FRS3: variants seen among roughly 807,000 people sequenced by gnomAD.
The protein encoded by FRS3 is fibroblast growth factor receptor substrate 3.
A neutral mutation model predicts 41.9 loss-of-function variants in FRS3; 17 were observed. That is an observed-to-expected ratio of 0.41 (90% CI 0.28 to 0.61). The LOEUF (loss-of-function observed/expected upper bound fraction) is 0.61, where lower values mean the gene tolerates loss of function less well. FRS3 is among the 20% of genes least tolerant of loss of function. The pLI, the probability that FRS3 is intolerant of heterozygous loss-of-function variation, is 0.36. For synonymous variants in FRS3, 287 were observed against 274.5 expected, an observed-to-expected ratio of 1.05 and a Z score of -0.45; for missense variants, 619 against 672.1, an observed-to-expected ratio of 0.92 and a Z score of 0.87.
At chr6:41,776,735 CA>C in intron 3 of FRS3, 186 bp downstream of exon 3, 1 of 577,532 alleles carries the variant, frequency 1.7e-6, no homozygotes, top group Non-Finnish European at 3.1e-6. Flanking sequence ...GCCATGAAAA[CA>C]GCAGTGGTCT....
In FRS3 at chr6:41,778,795, T is replaced by C. The variant is rs774839077; in HGVS notation, c.-167-619A>G. ...TTCAATTTCGCATTTGGAAGCTTGA[T>C]AGATTTTCTGCTCCCCAAGCTCTGA... On this transcript the variant is annotated intron_variant, in intron 1 of 6. Coordinates refer to ENST00000373018, the MANE Select transcript of FRS3 (RefSeq NM_006653.5). Among the ~76,000 whole-genome samples the C allele has an allele frequency of 2.6e-5, 4 of 152,332 alleles. No homozygotes were observed. In the East Asian group the frequency reaches 7.7e-4, roughly 29 times the overall value.
chr6:41,773,972 C>T (rs1372508019), intron 4 of FRS3, among the ~76,000 whole-genome samples: 2 of 151,930 alleles, frequency 1.3e-5, no homozygotes, highest in South Asian at 2.1e-4. Context: ...TTTTCGGAGA[C>T]GGAGTCTCAC....
At chr6:41,777,140 C>A (rs1279625330) in intron 2 of FRS3, 130 bp from the exon 3 acceptor site, 4 of 640,984 alleles carry the variant, frequency 6.2e-6, no homozygotes, top group Non-Finnish European at 1.1e-5. Context: ...TACAGACCCC[C>A]CCTCAAAGAC....
At chr6:41,779,138 G>A (rs546430634) in intron 1 of FRS3, among the ~76,000 whole-genome samples, 2 of 152,124 alleles carry the variant, frequency 1.3e-5, no homozygotes, top group South Asian at 4.1e-4. Context: ...GCACTGAAAC[G>A]AAGAACTCTA....
chr6:41,771,314 T>C lies in FRS3; in HGVS notation c.784A>G (p.Ser262Gly), dbSNP rs1344978084. Residue 262 changes from serine to glycine, a missense_variant, in exon 7 of 7, where the codon AGC becomes GGC. Ser to Gly is a moderately conservative substitution (Grantham distance 56, BLOSUM62 0). This residue lies in a region of FRS3 where 487 missense variants were observed against 478.3 expected (regional missense o/e 1.02). Coordinates refer to ENST00000373018, the MANE Select transcript of FRS3 (RefSeq NM_006653.5). ...TTGTGGTGTGGGGGGTCATGCAGGC[T>C]GGGACAGAGGCCCTGGCACTTCACC... The part of the protein sequence containing the change: ...HMVKCQGLCP[S>G]LHDPPHHNNN... 1.9e-6 allele frequency: 3 copies of C among 1,613,514 alleles called. No homozygotes were observed. Among genetic ancestry groups the C allele is most frequent in the African/African-American group, 1.3e-5 (1 of 74,904 alleles).
intron 1 of FRS3, among the ~76,000 whole-genome samples, chr6:41,779,178 C>G (rs897980101): frequency 6.6e-6 from 1 of 152,052 alleles, no homozygotes; most frequent in African/African-American, 2.4e-5. Flanking sequence ...GGCTGAATTT[C>G]CCTATCACCA....
intron 4 of FRS3, among the ~76,000 whole-genome samples, chr6:41,775,148 A>C (rs1271570446): frequency 2.0e-5 from 3 of 152,188 alleles, no homozygotes; most frequent in Non-Finnish European, 4.4e-5. Context: ...ACACAATCCC[A>C]TGCAGGATTC....
intron 2 of FRS3, 63 bp from the exon 3 acceptor site, chr6:41,777,073 G>T: frequency 8.4e-7 from 1 of 1,188,678 alleles, no homozygotes. Context: ...CTGCTCTGGG[G>T]AACTTGGGCA....
In FRS3 at chr6:41,771,057, C is replaced by T. The variant is rs780375884; in HGVS notation, c.1041G>A (p.Gly347=). ...QQLGGEAGDD[G]DSRDGLTPSS... is the part of the protein sequence containing the mutation. ...AGGGTGTGAGCCCATCCCTCGAGTC[C>T]CCATCATCCCCAGCCTCCCCTCCCA... Residue 347 remains glycine, a synonymous_variant, in exon 7 of 7, where the codon GGG becomes GGA. Coordinates refer to ENST00000373018, the MANE Select transcript of FRS3 (RefSeq NM_006653.5). The T allele has an allele frequency of 4.4e-6, 7 of 1,606,254 alleles. No individual in the cohort carries two copies. Among genetic ancestry groups the T allele is most frequent in the South Asian group, 2.2e-5 (2 of 90,682 alleles).
At position 41,776,941 on chromosome 6, in the gene FRS3, T is replaced by C; in HGVS notation, c.47A>G (p.Asn16Ser). The C allele has an allele frequency of 6.2e-7, 1 of 1,614,098 alleles. No individual in the cohort carries two copies. The highest frequency in any genetic ancestry group is 1.1e-5 in the South Asian group (1 of 91,074). Residue 16 changes from asparagine (N) to serine (S), a missense_variant, in exon 3 of 7, where the codon AAC (asparagine) becomes AGC (serine). Asn to Ser is a conservative substitution (Grantham distance 46). Transcript: ENST00000373018. ...GGGTACCTTGAACTTGGTGGGGTGG[T>C]TGTCTGGAACGCTGTCTCTGTTCAG... ...SCLNRDSVPDNHPTKFKVTNV... is the reference protein window; with the variant it reads ...SCLNRDSVPDSHPTKFKVTNV...
chr6:41,772,746 G>A (rs1772326481), intron 5 of FRS3, 52 bp downstream of exon 5: 22 of 583,082 alleles, frequency 3.8e-5, no homozygotes, highest in Non-Finnish European at 5.1e-5. Context: ...CTTCCTGGGC[G>A]TGTGTGTGTG....
intron 5 of FRS3, 100 bp from the exon 6 acceptor site, chr6:41,772,064 A>AGTC: frequency 1.0e-6 from 1 of 978,736 alleles, no homozygotes; most frequent in South Asian, 1.7e-5. Flanking sequence ...CTAATGGAGG[A>AGTC]CAGATGTTCT....
intron 3 of FRS3, among the ~76,000 whole-genome samples, chr6:41,776,091 G>A (rs1772404510): frequency 6.6e-6 from 1 of 152,146 alleles, no homozygotes; most frequent in African/African-American, 2.4e-5. Flanking sequence ...CTTCTGGTGG[G>A]CAGGAGAAAC....
chr6:41,777,064 T>C lies in FRS3; in HGVS notation c.-23-54A>G, dbSNP rs116735530. The C allele has an allele frequency of 5.2e-4, 692 of 1,321,808 alleles. 5 individuals carry two copies. The African/African-American group carries it at 8.8e-3, about 17-fold the overall frequency. The allele number at this position is 1,321,808 out of a possible 1,614,324, so 81.9% of individuals were successfully genotyped here. A position where few individuals can be genotyped will look rare whatever the true frequency, so the allele number is the denominator to read the frequency against. On this transcript the variant is annotated intron_variant, in intron 2 of 6. Transcript: ENST00000373018. Reference sequence around the variant, plus strand: ...CACCAACTTCAGCTTCAAAAAACCCTGCTCTGGGGAACTTGGGCAGAAGCA... The same window carrying C: ...CACCAACTTCAGCTTCAAAAAACCCCGCTCTGGGGAACTTGGGCAGAAGCA...
intron 6 of FRS3, 98 bp from the exon 7 acceptor site, chr6:41,771,631 C>T (rs1411745661): frequency 1.6e-6 from 2 of 1,222,092 alleles, no homozygotes; most frequent in Non-Finnish European, 2.3e-6. Context: ...CAGAAAAAGA[C>T]CTGGAGTTTC....
intron 3 of FRS3, 86 bp downstream of exon 3, chr6:41,776,836 T>C: frequency 9.2e-7 from 1 of 1,085,450 alleles, no homozygotes; most frequent in Admixed American, 1.7e-5. Context: ...GATTTGCTGT[T>C]AGAGAAGCTG....
At position 41,776,923 on chromosome 6, in the gene FRS3, T is replaced by C. The variant is rs1170471569; in HGVS notation, c.65A>G (p.Lys22Arg). Residue 22 changes from lysine (K) to arginine (R), a missense_variant and splice_region_variant, in exon 3 of 7, where the codon AAG (lysine) becomes AGG (arginine). Around this residue, in one of 3 missense-constraint regions of FRS3, gnomAD observed 100 missense variants for 138.1 expected, o/e 0.72. Coordinates refer to ENST00000373018, the MANE Select transcript of FRS3 (RefSeq NM_006653.5). The stretch of plus-strand genomic sequence containing the variant: ...AGGAGAGGAGAGGGCTCTGGGTACC[T>C]TGAACTTGGTGGGGTGGTTGTCTGG... ...SVPDNHPTKF[K>R]VTNVDDEGVE... The C allele has an allele frequency of 6.2e-7, 1 of 1,613,506 alleles. No homozygotes were observed. The highest frequency in any genetic ancestry group is 8.5e-7 in the Non-Finnish European group (1 of 1,179,358).
intron 6 of FRS3, 91 bp downstream of exon 6, chr6:41,771,725 C>T (rs1267666507): frequency 4.3e-6 from 6 of 1,386,092 alleles, no homozygotes; most frequent in South Asian, 2.5e-5. Flanking sequence ...TTCCCCTTCC[C>T]GTGATCCTTA....
In FRS3 at chr6:41,771,147, G is replaced by A. The variant is rs554107358; in HGVS notation, c.951C>T (p.Ala317=). 7.6e-4 allele frequency: 1,177 copies of A among 1,558,584 alleles called. 13 individuals are homozygous for A. In the South Asian group the frequency reaches 0.012, roughly 15 times the overall value. The change falls in exon 7 of 7, where the codon GCC becomes GCT. Residue 317 remains alanine, a synonymous_variant. Coordinates refer to ENST00000373018, the MANE Select transcript of FRS3 (RefSeq NM_006653.5). The part of the protein sequence containing the change: ...PGWNGLAHRR[A]ALLHYENLPP... The stretch of plus-strand genomic sequence containing the variant: ...GCAGGTTCTCATAGTGCAGCAGGGC[G>A]GCCCGGCGGTGGGCAAGGCCATTCC...
Sources: allele counts gnomAD v4.1 joint callset (sites outside exome capture counted in the v4.1 genomes callset), GRCh38; gene constraint gnomAD v4.1.1; regional missense constraint gnomAD v4.1.1; transcripts MANE v1.5; gene names NCBI Gene and HGNC (gene_info 2026-07-23, HGNC 2026-07-21).